EFCAB6: variants seen among roughly 807,000 people sequenced by gnomAD.
EFCAB6 encodes the protein EF-hand calcium-binding domain-containing protein 6.
Under a neutral mutation model 169.8 loss-of-function variants are expected in EFCAB6, and 156 were observed. The ratio of observed to expected loss-of-function variants is 0.92; its 90% confidence interval spans 0.81 to 1.05. EFCAB6 has a LOEUF of 1.05. Ranked by LOEUF, EFCAB6 falls within the 50% of genes least tolerant of loss-of-function variation. The pLI, the probability that EFCAB6 is intolerant of heterozygous loss-of-function variation, is 0.00. For missense variants in EFCAB6, 1,800 were observed against 1,829.1 expected (o/e 0.98, Z 0.29); for synonymous variants, 698 against 676.4 (o/e 1.03, Z -0.50).
At chr22:43,761,335 A>G (rs1202288086) in intron 5 of EFCAB6, among the ~76,000 whole-genome samples, 2 of 152,196 alleles carry the variant, frequency 1.3e-5, no homozygotes, top group Non-Finnish European at 2.9e-5. Flanking sequence ...AATTAAAAGT[A>G]TATTAGGACT....
chr22:43,597,128 G>C (rs765154762), intron 23 of EFCAB6, among the ~76,000 whole-genome samples: 1 of 152,128 alleles, frequency 6.6e-6, no homozygotes, highest in Non-Finnish European at 1.5e-5. Flanking sequence ...TTAAATGTAA[G>C]ACCATAAACT....
rs1403030292 is a variant in EFCAB6, at chr22:43,795,449, G to A, written c.-7-13124C>T. On this transcript the variant is annotated intron_variant, in intron 2 of 31. Transcript: ENST00000262726. The surrounding 1 kb of genome is among the most constrained non-coding windows in gnomAD (Gnocchi z 4.2). The stretch of plus-strand genomic sequence containing the variant: ...CCAGTGCCCACTAGGCAGGAGAGGA[G>A]CTGCCTCCTGCCCACATCTCCCCTC... 2.0e-5 allele frequency among the ~76,000 whole-genome samples: 3 copies of A among 152,036 alleles called. No homozygotes were observed. Among genetic ancestry groups the A allele is most frequent in the Admixed American group, 6.6e-5 (1 of 15,264 alleles).
At chr22:43,669,357 C>A (rs906426952) in intron 15 of EFCAB6, among the ~76,000 whole-genome samples, 2 of 152,118 alleles carry the variant, frequency 1.3e-5, no homozygotes, top group African/African-American at 4.8e-5. Context: ...CTATGGTAAA[C>A]CCATTCAATG....
chr22:43,532,447 A>G (rs1237073196), intron 30 of EFCAB6, among the ~76,000 whole-genome samples: 2 of 152,212 alleles, frequency 1.3e-5, no homozygotes, highest in African/African-American at 4.8e-5. Context: ...GAGGCGGAGG[A>G]AGGATGGAAT....
At chr22:43,600,344 C>A in intron 22 of EFCAB6, 81 bp from the exon 23 acceptor site, 7 of 1,414,080 alleles carry the variant, frequency 5.0e-6, no homozygotes, top group Non-Finnish European at 5.9e-6. Context: ...AAAATGCCTG[C>A]ACCATCCATG....
In EFCAB6 at chr22:43,769,764, T is replaced by C. The variant is rs768678221; in HGVS notation, c.351+3128A>G. On this transcript the variant is annotated intron_variant, in intron 4 of 31. Coordinates refer to ENST00000262726, the MANE Select transcript of EFCAB6 (RefSeq NM_022785.4). ...ATATGGGGTGAGGAGGGCATCATCA[T>C]AGTGGGGTGTCAGTGCCCATGAGGG... 1.9e-4 allele frequency among the ~76,000 whole-genome samples: 29 copies of C among 152,026 alleles called. 1 individual carries two copies. Among genetic ancestry groups the C allele is most frequent in the Non-Finnish European group, 5.9e-5 (4 of 67,996 alleles).
At chr22:43,769,109 C>T (rs112001537) in intron 4 of EFCAB6, among the ~76,000 whole-genome samples, 68 of 152,266 alleles carry the variant, frequency 4.5e-4, no homozygotes, top group African/African-American at 1.5e-3. Context: ...GTCCATCAGC[C>T]GATCAAAGGG....
chr22:43,675,658 TATA>T (rs1183534256), intron 13 of EFCAB6, among the ~76,000 whole-genome samples: 1 of 146,848 alleles, frequency 6.8e-6, no homozygotes, highest in Non-Finnish European at 1.5e-5. Context: ...AAGTATAATA[TATA>T]ATAATTCCAT....
chr22:43,771,169 C>G (rs911666713), intron 4 of EFCAB6, among the ~76,000 whole-genome samples: 6 of 152,066 alleles, frequency 3.9e-5, no homozygotes, highest in Non-Finnish European at 8.8e-5. Context: ...GGTGGCTCAC[C>G]CCTGTAATCC....
chr22:43,782,468 C>T (rs1472925016), intron 2 of EFCAB6, 143 bp from the exon 3 acceptor site: 26 of 691,644 alleles, frequency 3.8e-5, no homozygotes, highest in Middle Eastern at 2.5e-4. Flanking sequence ...GCTGATGTTT[C>T]AGACTATTCT....
chr22:43,569,655 C>A (rs73887346), intron 26 of EFCAB6, among the ~76,000 whole-genome samples: 48 of 152,342 alleles, frequency 3.2e-4, no homozygotes, highest in African/African-American at 1.1e-3. Context: ...AGCCCCTGCA[C>A]CCTGGCCTGT....
rs148636196 is a variant in EFCAB6, at chr22:43,691,890, G to A, written c.1032-4309C>T. ...AGGCAAAGTCTTGTGGGTAATCCAT[G>A]CTAACAGGAGAACTGTGGGGGTGTG... On this transcript the variant is annotated intron_variant, in intron 10 of 31. Transcript: ENST00000262726. Among the ~76,000 whole-genome samples, 179 of 152,272 alleles carry A rather than the reference G, an allele frequency of 1.2e-3. 2 individuals carry two copies. The highest frequency in any genetic ancestry group is 4.2e-3 in the African/African-American group (175 of 41,560).
At chr22:43,705,209 G>A (rs1287102404) in intron 10 of EFCAB6, among the ~76,000 whole-genome samples, 2 of 152,024 alleles carry the variant, frequency 1.3e-5, no homozygotes, top group African/African-American at 4.8e-5. Flanking sequence ...CCTAACATAA[G>A]AGCACCTAAA....
chr22:43,651,341 C>T (rs2056457155), intron 17 of EFCAB6, among the ~76,000 whole-genome samples: 1 of 152,256 alleles, frequency 6.6e-6, no homozygotes, highest in African/African-American at 2.4e-5. Context: ...AGCCTCAAGC[C>T]TTGGCAGCTT....
At chr22:43,788,745 C>A (rs946292597) in intron 2 of EFCAB6, among the ~76,000 whole-genome samples, 2 of 152,180 alleles carry the variant, frequency 1.3e-5, no homozygotes, top group Admixed American at 1.3e-4. Context: ...CCCAAGGGAA[C>A]TGAAAACATA....
chr22:43,797,860 C>T (rs891732892), intron 2 of EFCAB6, among the ~76,000 whole-genome samples: 1 of 152,190 alleles, frequency 6.6e-6, no homozygotes, highest in African/African-American at 2.4e-5. Flanking sequence ...CTGGCAGTCC[C>T]TCAAATGTGC....
At chr22:43,689,498 C>A (rs775082341) in intron 10 of EFCAB6, among the ~76,000 whole-genome samples, 2 of 152,116 alleles carry the variant, frequency 1.3e-5, no homozygotes, top group Non-Finnish European at 2.9e-5. Flanking sequence ...AGGCAATCAG[C>A]GGGGCTAGAG....
chr22:43,637,626 T>C (rs1433900498), intron 17 of EFCAB6, among the ~76,000 whole-genome samples: 1 of 152,020 alleles, frequency 6.6e-6, no homozygotes, highest in African/African-American at 2.4e-5. Context: ...CCGAGGCGGG[T>C]GGCAACGCAG....
chr22:43,654,249 G>A (rs1372391432), intron 17 of EFCAB6, among the ~76,000 whole-genome samples: 1 of 152,202 alleles, frequency 6.6e-6, no homozygotes, highest in Non-Finnish European at 1.5e-5. Context: ...AACACCTGTT[G>A]TTGTGGCTTG....
Sources: gnomAD v4.1 joint callset for allele counts (sites outside exome capture counted in the v4.1 genomes callset) on GRCh38, gnomAD v4.1.1 for gene constraint, Gnocchi (gnomAD v3.1) non-coding constraint, MANE v1.5 for transcripts, NCBI Gene and HGNC (gene_info 2026-07-23, HGNC 2026-07-21) for gene names.